LUZP2: variants seen among roughly 807,000 people sequenced by gnomAD.
LUZP2 encodes the protein leucine zipper protein 2.
Under a neutral mutation model 51.6 loss-of-function variants are expected in LUZP2, and 52 were observed. That is an observed-to-expected ratio of 1.01 (90% CI 0.81 to 1.27). The LOEUF (loss-of-function observed/expected upper bound fraction) is 1.27. LUZP2 is among the 50% of genes most tolerant of loss of function. The pLI is 0.00. For missense variants in LUZP2, 436 were observed against 395.4 expected (o/e 1.10, Z -0.87); for synonymous variants, 154 against 137.3 (o/e 1.12, Z -0.85).
intron 1 of LUZP2, among the ~76,000 whole-genome samples, chr11:24,564,124 C>T (rs1053938462): frequency 2.6e-5 from 4 of 152,108 alleles, no homozygotes; most frequent in African/African-American, 9.7e-5. Flanking sequence ...AGTGTGTGGG[C>T]TTCATGTTGT....
intron 1 of LUZP2, among the ~76,000 whole-genome samples, chr11:24,630,461 T>C (rs576206105): frequency 1.3e-5 from 2 of 152,028 alleles, no homozygotes; most frequent in Non-Finnish European, 2.9e-5. Flanking sequence ...TTCTACAATG[T>C]ATGTTCTTGT....
intron 8 of LUZP2, among the ~76,000 whole-genome samples, chr11:24,982,841 C>A (rs1372228279): frequency 1.3e-5 from 2 of 151,666 alleles, no homozygotes; most frequent in Non-Finnish European, 2.9e-5. Flanking sequence ...TATTTCCTTT[C>A]CTGCAAACTA....
At chr11:24,508,481 G>A (rs1323752599) in intron 1 of LUZP2, among the ~76,000 whole-genome samples, 2 of 152,064 alleles carry the variant, frequency 1.3e-5, no homozygotes, top group South Asian at 2.1e-4. Context: ...ATATTAGCAT[G>A]GTAATATCTT....
At chr11:24,746,762 T>TC (rs1394148466) in intron 4 of LUZP2, among the ~76,000 whole-genome samples, 2 of 152,206 alleles carry the variant, frequency 1.3e-5, no homozygotes, top group Non-Finnish European at 1.5e-5. Flanking sequence ...ATTCTTTTTT[T>TC]CTTTGTCTTT....
chr11:24,515,248 G>C (rs1174291472), intron 1 of LUZP2, among the ~76,000 whole-genome samples: 1 of 152,056 alleles, frequency 6.6e-6, no homozygotes, highest in Non-Finnish European at 1.5e-5. Context: ...GAGGTAAGAG[G>C]AGAGAAGTGG....
chr11:24,846,491 A>G (rs1851204702), intron 5 of LUZP2, among the ~76,000 whole-genome samples: 1 of 152,152 alleles, frequency 6.6e-6, no homozygotes, highest in Non-Finnish European at 1.5e-5. Flanking sequence ...ACCTTTTAAA[A>G]TAAAATAGAA....
Position 24,611,058 on chromosome 11 carries a change from T to TA in LUZP2, c.62+113753_62+113754insA, listed in dbSNP as rs1854101356. ...GTACCTTACATGACATAGCTTTGTTTTTTTTTATTTTTATTTTTTGTTTTG... is the reference window on the plus strand; with the variant it reads ...GTACCTTACATGACATAGCTTTGTTTATTTTTTATTTTTATTTTTTGTTTTG... On this transcript the variant is annotated intron_variant, in intron 1 of 11. Transcript: ENST00000336930. This position sits in a 1 kb window ranked among gnomAD's most constrained non-coding sequence, Gnocchi z 4.6. 6.6e-6 allele frequency among the ~76,000 whole-genome samples: 1 copy of TA among 152,148 alleles called. No homozygotes were observed. Among genetic ancestry groups the TA allele is most frequent in the Non-Finnish European group, 1.5e-5 (1 of 68,026 alleles).
At chr11:24,980,577 T>A (rs1562270) in intron 8 of LUZP2, among the ~76,000 whole-genome samples, 134,292 of 151,600 alleles carry the variant, frequency 0.89, 61,041 homozygotes, top group Non-Finnish European at 0.98. Context: ...ATGCCACAGA[T>A]AGGATACCAG....
chr11:25,001,619 A>G (rs1045186824), intron 9 of LUZP2, among the ~76,000 whole-genome samples: 1 of 152,188 alleles, frequency 6.6e-6, no homozygotes, highest in African/African-American at 2.4e-5. Flanking sequence ...TCAATTATCA[A>G]TTATAGGTTT....
intron 7 of LUZP2, among the ~76,000 whole-genome samples, chr11:24,962,733 T>C (rs1378492576): frequency 6.6e-5 from 10 of 151,822 alleles, no homozygotes. Context: ...GCTCATATTT[T>C]GATCATCTGA....
At chr11:25,029,344 T>C (rs1857581389) in intron 9 of LUZP2, among the ~76,000 whole-genome samples, 1 of 152,074 alleles carries the variant, frequency 6.6e-6, no homozygotes. Context: ...ACTCCATAAA[T>C]ATGTACATCT....
intron 1 of LUZP2, among the ~76,000 whole-genome samples, chr11:24,539,474 G>A (rs540226697): frequency 6.6e-6 from 1 of 152,010 alleles, no homozygotes; most frequent in South Asian, 2.1e-4. Flanking sequence ...GTACAGATGT[G>A]TAAGGCAGGA....
chr11:24,560,189 A>G (rs1204005190), intron 1 of LUZP2, among the ~76,000 whole-genome samples: 3 of 152,110 alleles, frequency 2.0e-5, no homozygotes, highest in Non-Finnish European at 4.4e-5. Context: ...TTATGAAATG[A>G]TGGGCCATAG....
chr11:25,077,245 A>G (rs1859336040), intron 10 of LUZP2, 84 bp from the exon 11 acceptor site: 3 of 990,476 alleles, frequency 3.0e-6, no homozygotes, highest in Non-Finnish European at 4.8e-6. Context: ...CTCAACAGGA[A>G]GAATTCAAGA....
chr11:24,800,710 T>C (rs1849672685), intron 5 of LUZP2, among the ~76,000 whole-genome samples: 1 of 151,932 alleles, frequency 6.6e-6, no homozygotes, highest in Non-Finnish European at 1.5e-5. Context: ...TGGAACTTTA[T>C]TTAAAACACA....
intron 5 of LUZP2, among the ~76,000 whole-genome samples, chr11:24,898,449 C>T (rs1055593590): frequency 5.9e-5 from 9 of 152,168 alleles, no homozygotes; most frequent in East Asian, 5.8e-4. Flanking sequence ...ACGGTGAAAC[C>T]CCGTCTCTAC....
At chr11:25,055,138 G>A (rs1291423123) in intron 10 of LUZP2, among the ~76,000 whole-genome samples, 1 of 145,968 alleles carries the variant, frequency 6.9e-6, no homozygotes, top group Non-Finnish European at 1.6e-5. Context: ...AGCCTCCTGA[G>A]TAGCTGGGAC....
chr11:24,577,972 G>A (rs1430842893), intron 1 of LUZP2, among the ~76,000 whole-genome samples: 1 of 152,078 alleles, frequency 6.6e-6, no homozygotes, highest in Non-Finnish European at 1.5e-5. Context: ...GCTTCATGAT[G>A]CCATCAGCGT....
At chr11:24,925,895 C>T (rs928855763) in intron 7 of LUZP2, among the ~76,000 whole-genome samples, 11 of 152,004 alleles carry the variant, frequency 7.2e-5, no homozygotes, top group African/African-American at 9.6e-5. Flanking sequence ...TCACCTCCCT[C>T]GCACTTTTTC....
Sources: gnomAD v4.1 joint callset for allele counts (sites outside exome capture counted in the v4.1 genomes callset) on GRCh38, gnomAD v4.1.1 for gene constraint, Gnocchi (gnomAD v3.1) non-coding constraint, MANE v1.5 for transcripts, NCBI Gene and HGNC (gene_info 2026-07-23, HGNC 2026-07-21) for gene names.